The following PRELID2 variants were observed in gnomAD, a reference collection of about 807,000 sequenced individuals.
PRELID2 encodes PRELI domain-containing protein 2.
Under a neutral mutation model 28.4 loss-of-function variants are expected in PRELID2, and 25 were observed. That is an observed-to-expected ratio of 0.88 (90% confidence interval 0.64 to 1.23). The LOEUF (loss-of-function observed/expected upper bound fraction) is 1.23. Ranked by LOEUF, PRELID2 falls within the 50% of genes most tolerant of loss-of-function variation. The pLI, the probability that PRELID2 is intolerant of heterozygous loss-of-function variation, is 0.00. For missense variants in PRELID2, 201 were observed against 214.4 expected, an observed-to-expected ratio of 0.94 and a Z score of 0.39; for synonymous variants, 76 against 71.6, an observed-to-expected ratio of 1.06 and a Z score of -0.31.
chr5:145,537,501 G>T (rs1470705200), intron 1 of PRELID2, among the ~76,000 whole-genome samples: 2 of 151,786 alleles, frequency 1.3e-5, no homozygotes, highest in African/African-American at 4.8e-5. Flanking sequence ...CTGTCTTTTT[G>T]ATAGTAGCCA....
chr5:145,618,511 G>T (rs975484199), intron 1 of PRELID2, among the ~76,000 whole-genome samples: 4 of 152,182 alleles, frequency 2.6e-5, no homozygotes, highest in Non-Finnish European at 2.9e-5. Context: ...GGGCTTATCT[G>T]CACAGAGTCC....
At chr5:145,561,329 T>C (rs1470056054) in intron 1 of PRELID2, among the ~76,000 whole-genome samples, 1 of 152,132 alleles carries the variant, frequency 6.6e-6, no homozygotes, top group Non-Finnish European at 1.5e-5. Flanking sequence ...TTCTTTTCTG[T>C]ATTGGTGCAT....
At chr5:145,317,568 T>G in the PRELID2 span, among the ~76,000 whole-genome samples, 1 of 152,206 alleles carries the variant, frequency 6.6e-6, no homozygotes, top group East Asian at 1.9e-4. Context: ...TTAGGCTTCT[T>G]ACTGGATTTG....
At chr5:145,715,236 A>G (rs1755810049) in intron 1 of PRELID2, among the ~76,000 whole-genome samples, 1 of 152,138 alleles carries the variant, frequency 6.6e-6, no homozygotes, top group African/African-American at 2.4e-5. Flanking sequence ...CACTCACCGA[A>G]TTACTCAAGC....
chr5:145,274,202 C>T, the PRELID2 span, among the ~76,000 whole-genome samples: 1 of 152,078 alleles, frequency 6.6e-6, no homozygotes, highest in Non-Finnish European at 1.5e-5. Flanking sequence ...TATTGTTTTG[C>T]TTCTGTGACT....
At chr5:145,397,871 T>C in the PRELID2 span, among the ~76,000 whole-genome samples, 1 of 152,090 alleles carries the variant, frequency 6.6e-6, no homozygotes, top group African/African-American at 2.4e-5. Context: ...AACCACCAAA[T>C]GTAGTTGTGG....
chr5:145,826,266 C>T, intron 1 of PRELID2: 1 of 770,976 alleles, frequency 1.3e-6, no homozygotes, highest in Non-Finnish European at 1.6e-6. Flanking sequence ...CGCAGACAAG[C>T]AGGTTCACAT....
intron 1 of PRELID2, among the ~76,000 whole-genome samples, chr5:145,711,073 T>C (rs1208772420): frequency 6.6e-6 from 1 of 152,198 alleles, no homozygotes; most frequent in Non-Finnish European, 1.5e-5. Context: ...ACCCTTTTAA[T>C]TTCCTGAACC....
At chr5:145,316,012 T>C in the PRELID2 span, among the ~76,000 whole-genome samples, 2 of 152,228 alleles carry the variant, frequency 1.3e-5, no homozygotes, top group Non-Finnish European at 2.9e-5. Context: ...CTTGTATCTA[T>C]ATGATGGAAA....
intron 1 of PRELID2, among the ~76,000 whole-genome samples, chr5:145,719,556 T>C (rs1035774650): frequency 6.6e-6 from 1 of 151,950 alleles, no homozygotes; most frequent in Non-Finnish European, 1.5e-5. Context: ...CATATATTTA[T>C]ACATAATGAC....
the PRELID2 span, among the ~76,000 whole-genome samples, chr5:145,407,206 G>A: frequency 6.6e-6 from 1 of 152,322 alleles, no homozygotes; most frequent in African/African-American, 2.4e-5. Context: ...AGGAAGGCTT[G>A]TTGGCTGGAG....
the PRELID2 span, among the ~76,000 whole-genome samples, chr5:145,304,461 G>A: frequency 3.9e-5 from 6 of 152,058 alleles, no homozygotes; most frequent in Non-Finnish European, 7.4e-5. Flanking sequence ...TCATGACTAT[G>A]CTAGGCAAGT....
intron 4 of PRELID2, among the ~76,000 whole-genome samples, chr5:145,802,814 T>C: frequency 6.6e-6 from 1 of 152,206 alleles, no homozygotes; most frequent in East Asian, 1.9e-4. Context: ...GGGCAGCTTA[T>C]ACAGTCATTT....
chr5:145,723,076 T>C (rs1411324606), intron 1 of PRELID2, among the ~76,000 whole-genome samples: 1 of 152,162 alleles, frequency 6.6e-6, no homozygotes, highest in Admixed American at 6.5e-5. Context: ...CTAAATTTGA[T>C]TGTCAAAAAT....
At chr5:145,602,710 A>G (rs1291332641) in intron 1 of PRELID2, among the ~76,000 whole-genome samples, 1 of 152,154 alleles carries the variant, frequency 6.6e-6, no homozygotes, top group Admixed American at 6.5e-5. Context: ...TCTGTAATTG[A>G]GAACTCAATG....
At chr5:145,826,336 AC>A in intron 1 of PRELID2, 1 of 249,784 alleles carries the variant, frequency 4.0e-6, no homozygotes, top group Non-Finnish European at 6.3e-6. Context: ...TGATCTGAAG[AC>A]CCAGATATCT....
chr5:145,645,665 C>T (rs528767254), intron 1 of PRELID2, among the ~76,000 whole-genome samples: 1 of 152,168 alleles, frequency 6.6e-6, no homozygotes, highest in South Asian at 2.1e-4. Flanking sequence ...TTTGCAGTGG[C>T]TGATACCAGT....
intron 1 of PRELID2, among the ~76,000 whole-genome samples, chr5:145,594,567 G>C (rs2149633303): frequency 6.6e-6 from 1 of 152,098 alleles, no homozygotes; most frequent in East Asian, 1.9e-4. Flanking sequence ...CCTCATCACA[G>C]TATTATACAT....
the PRELID2 span, among the ~76,000 whole-genome samples, chr5:145,336,450 A>G: frequency 4.0e-5 from 6 of 151,666 alleles, no homozygotes; most frequent in East Asian, 1.9e-4. Flanking sequence ...TAATTTTTGT[A>G]TAAGGTGTAA....
Sources: allele counts gnomAD v4.1 joint callset (sites outside exome capture counted in the v4.1 genomes callset), GRCh38; gene constraint gnomAD v4.1.1; transcripts MANE v1.5; gene names NCBI Gene and HGNC (gene_info 2026-07-23, HGNC 2026-07-21).